The following GOLM2 variants were observed in gnomAD, a reference collection of about 807,000 sequenced individuals.
GOLM2 encodes the protein protein GOLM2.
GOLM2 carries 26 observed loss-of-function variants against 55.9 expected under a neutral mutation model. The observed-to-expected ratio is 0.47, with a 90% CI of 0.34 to 0.65. The LOEUF is 0.65. GOLM2 is among the 30% of genes least tolerant of loss of function. The pLI is 0.01. For missense variants in GOLM2, 486 were observed against 531.8 expected (o/e 0.91, Z 0.85); for synonymous variants, 165 against 194.6 (o/e 0.85, Z 1.27).
intron 3 of GOLM2, 93 bp downstream of exon 3, chr15:44,328,880 C>T (rs2141136955): frequency 4.0e-6 from 3 of 754,162 alleles, no homozygotes; most frequent in South Asian, 2.5e-5. Context: ...CTTTTGTTTC[C>T]CTTTTTTTCT....
intron 1 of GOLM2, among the ~76,000 whole-genome samples, chr15:44,321,621 C>T (rs1221718314): frequency 6.6e-6 from 1 of 152,136 alleles, no homozygotes; most frequent in Non-Finnish European, 1.5e-5. Flanking sequence ...GTACCAATGT[C>T]AGTTTCCTGG....
At chr15:44,385,361 T>G (rs2079437037) in intron 8 of GOLM2, among the ~76,000 whole-genome samples, 1 of 56,366 alleles carries the variant, frequency 1.8e-5, no homozygotes, top group Non-Finnish European at 3.3e-5. Context: ...CCTCCCTCCC[T>G]TCCTCCCTTC....
chr15:44,398,967 C>T (rs914564211), intron 8 of GOLM2, among the ~76,000 whole-genome samples: 1 of 152,048 alleles, frequency 6.6e-6, no homozygotes, highest in African/African-American at 2.4e-5. Flanking sequence ...CATGCCTGGC[C>T]CCGTAATTAT....
chr15:44,359,362 C>T (rs1015227537), intron 6 of GOLM2, among the ~76,000 whole-genome samples: 4 of 151,836 alleles, frequency 2.6e-5, no homozygotes, highest in Non-Finnish European at 4.4e-5. Context: ...CTGAGGTGGG[C>T]GGATCACGAG....
intron 6 of GOLM2, 52 bp from the exon 7 acceptor site, chr15:44,379,638 T>TA: frequency 2.8e-6 from 2 of 710,020 alleles, no homozygotes; most frequent in East Asian, 2.8e-5. Context: ...TTTTTTTTTT[T>TA]AGAAATCATA....
chr15:44,412,471 C>A (rs934963487), intron 9 of GOLM2, among the ~76,000 whole-genome samples: 1 of 151,822 alleles, frequency 6.6e-6, no homozygotes, highest in Non-Finnish European at 1.5e-5. Flanking sequence ...TTGTTATACC[C>A]CATTTAGGAA....
At chr15:44,402,347 A>G (rs781506609) in intron 8 of GOLM2, among the ~76,000 whole-genome samples, 2 of 151,728 alleles carry the variant, frequency 1.3e-5, no homozygotes, top group Non-Finnish European at 2.9e-5. Flanking sequence ...GCACACCACC[A>G]TACCCAGTTA....
chr15:44,335,071 T>G (rs1233524380), intron 4 of GOLM2, among the ~76,000 whole-genome samples: 2 of 152,094 alleles, frequency 1.3e-5, no homozygotes, highest in African/African-American at 2.4e-5. Context: ...TGCAGTGTAG[T>G]ATCCTGAATT....
intron 6 of GOLM2, among the ~76,000 whole-genome samples, chr15:44,359,161 A>G (rs2079218479): frequency 6.6e-6 from 1 of 151,816 alleles, no homozygotes; most frequent in South Asian, 2.1e-4. Context: ...AAAAATAATA[A>G]TAATAATAAA....
intron 9 of GOLM2, among the ~76,000 whole-genome samples, chr15:44,404,017 C>T (rs537783939): frequency 7.9e-5 from 12 of 152,232 alleles, no homozygotes; most frequent in Non-Finnish European, 1.5e-4. Context: ...GTGCATGCAG[C>T]CCTACCCATG....
At chr15:44,371,775 T>C (rs1387164400) in intron 6 of GOLM2, among the ~76,000 whole-genome samples, 1 of 152,128 alleles carries the variant, frequency 6.6e-6, no homozygotes, top group Admixed American at 6.6e-5. Context: ...GCTCAGAAAA[T>C]TGATCACAGC....
intron 4 of GOLM2, among the ~76,000 whole-genome samples, chr15:44,333,426 AG>A (rs1419540427): frequency 6.6e-6 from 1 of 152,226 alleles, no homozygotes; most frequent in Non-Finnish European, 1.5e-5. Flanking sequence ...AGTAGGATAT[AG>A]AGGGTGTCAT....
At position 44,382,854 on chromosome 15, in the gene GOLM2, C is replaced by G. The variant is rs549894955; in HGVS notation, c.1072+1878C>G. Among the ~76,000 whole-genome samples, 39 of 146,656 alleles carry G rather than the reference C, an allele frequency of 2.7e-4. No individual in the cohort carries two copies. In the Admixed American group the frequency reaches 2.7e-3, roughly 10 times the overall value. On this transcript the variant is annotated intron_variant, in intron 8 of 9. Coordinates refer to ENST00000299957, the MANE Select transcript of GOLM2 (RefSeq NM_138423.4). Reference sequence around the variant, plus strand: ...AGGAGAATCACTTGAACCCGGGAGGCGAAGTTTGCAGTGAGCCAAGATTGT... The same window carrying G: ...AGGAGAATCACTTGAACCCGGGAGGGGAAGTTTGCAGTGAGCCAAGATTGT...
chr15:44,390,795 C>G (rs2079482661), intron 8 of GOLM2, among the ~76,000 whole-genome samples: 1 of 152,134 alleles, frequency 6.6e-6, no homozygotes, highest in Non-Finnish European at 1.5e-5. Context: ...TCTCGTACTC[C>G]TAACCTCAGG....
intron 6 of GOLM2, among the ~76,000 whole-genome samples, chr15:44,374,456 C>T (rs1043588220): frequency 2.6e-5 from 4 of 151,902 alleles, no homozygotes; most frequent in African/African-American, 9.7e-5. Context: ...CAAGACCAGC[C>T]TGGGCAATAT....
rs746434043 is a variant in GOLM2 at position 44,337,890 on chromosome 15, A to G, written c.704A>G (p.His235Arg). The G allele has an allele frequency of 2.0e-5, 32 of 1,595,472 alleles. No homozygotes were observed. In the African/African-American group the frequency reaches 3.4e-4, roughly 17 times the overall value. The change falls in exon 5 of 10, where the codon CAT becomes CGT. Residue 235 changes from histidine to arginine, a missense_variant. His to Arg is a conservative substitution (Grantham distance 29). Transcript: ENST00000299957. The stretch of plus-strand genomic sequence containing the variant: ...AAGAATGAAGAACCCTCAAGCAATC[A>G]TATTCCACATGGGAAAGGTATTATT... ...ADKNEEPSSN[H>R]IPHGKEQIKR...
At chr15:44,392,441 G>A (rs1394578933) in intron 8 of GOLM2, among the ~76,000 whole-genome samples, 4 of 151,892 alleles carry the variant, frequency 2.6e-5, no homozygotes, top group Non-Finnish European at 5.9e-5. Context: ...TGGTCAACAT[G>A]GTGAAACCCT....
intron 6 of GOLM2, among the ~76,000 whole-genome samples, chr15:44,369,067 T>TCA (rs1555424961): frequency 1.7e-4 from 4 of 22,960 alleles, no homozygotes; most frequent in African/African-American, 4.6e-4. Context: ...ATAGGATATA[T>TCA]TATATATATA....
At chr15:44,379,638 T>TTTTTA in intron 6 of GOLM2, 52 bp from the exon 7 acceptor site, 9 of 709,996 alleles carry the variant, frequency 1.3e-5, no homozygotes, top group Admixed American at 2.6e-5. Context: ...TTTTTTTTTT[T>TTTTTA]AGAAATCATA....
Sources: allele counts gnomAD v4.1 joint callset (sites outside exome capture counted in the v4.1 genomes callset), GRCh38; gene constraint gnomAD v4.1.1; transcripts MANE v1.5; gene names NCBI Gene and HGNC (gene_info 2026-07-23, HGNC 2026-07-21).